The following DIS3L variants were observed in gnomAD, a reference collection of about 807,000 sequenced individuals.
DIS3L encodes DIS3-like exonuclease 1.
In DIS3L, 100 loss-of-function variants were observed where a neutral mutation model predicts 120.3. The observed-to-expected ratio is 0.83, with a 90% CI of 0.71 to 0.98. The LOEUF is 0.98. Ranked by LOEUF, DIS3L falls within the 50% of genes least tolerant of loss-of-function variation. The probability of loss-of-function intolerance (pLI) is 0.00; values close to 1 mark genes in which losing one functional copy is unlikely to be tolerated. For synonymous variants in DIS3L, 426 were observed against 470.6 expected, an observed-to-expected ratio of 0.91 and a Z score of 1.23; for missense variants, 1,196 against 1,314.2, an observed-to-expected ratio of 0.91 and a Z score of 1.39.
At chr15:66,295,654 C>T (rs561017137) in intron 2 of DIS3L, among the ~76,000 whole-genome samples, 1 of 152,270 alleles carries the variant, frequency 6.6e-6, no homozygotes, top group Admixed American at 6.5e-5. Flanking sequence ...CAGCCATAGT[C>T]ATTGTATTTG....
At chr15:66,313,597 G>A (rs1406126963) in intron 5 of DIS3L, among the ~76,000 whole-genome samples, 1 of 151,950 alleles carries the variant, frequency 6.6e-6, no homozygotes, top group Non-Finnish European at 1.5e-5. Flanking sequence ...GAGCGTGGTG[G>A]TGGACACCTG....
chr15:66,308,974 G>GCCACCACGCC, intron 4 of DIS3L, 130 bp downstream of exon 4: 4 of 964,112 alleles, frequency 4.1e-6, no homozygotes, highest in Non-Finnish European at 5.7e-6. Context: ...GCCAGGCGTG[G>GCCACCACGCC]TGGCTCATGC....
At chr15:66,303,817 C>T (rs905608165) in intron 2 of DIS3L, among the ~76,000 whole-genome samples, 2 of 151,984 alleles carry the variant, frequency 1.3e-5, no homozygotes, top group Non-Finnish European at 1.5e-5. Context: ...GTAGGCCGGG[C>T]GCGGTGGCTC....
At chr15:66,326,519 T>C (rs182981175) in intron 12 of DIS3L, 155 bp downstream of exon 12, 1 of 844,154 alleles carries the variant, frequency 1.2e-6, no homozygotes, top group Admixed American at 2.9e-5. Flanking sequence ...TTTTCCCTCT[T>C]CATTGTTATG....
At chr15:66,331,682 C>A in intron 14 of DIS3L, 193 bp from the exon 15 acceptor site, 1 of 513,074 alleles carries the variant, frequency 1.9e-6, no homozygotes, top group Non-Finnish European at 3.0e-6. Flanking sequence ...TAAAATAATT[C>A]ATTTTCTAAG....
chr15:66,314,482 A>G (rs2092797294), intron 6 of DIS3L, among the ~76,000 whole-genome samples: 1 of 152,198 alleles, frequency 6.6e-6, no homozygotes, highest in Non-Finnish European at 1.5e-5. Flanking sequence ...TAAGTAATAA[A>G]AATGAAAAAA....
chr15:66,311,257 G>C (rs780317986), intron 4 of DIS3L, among the ~76,000 whole-genome samples: 4 of 151,888 alleles, frequency 2.6e-5, no homozygotes, highest in Non-Finnish European at 4.4e-5. Context: ...CAGCCACTTG[G>C]GGGGCTGAGG....
chr15:66,314,018 T>G, intron 5 of DIS3L, 21 bp from the exon 6 acceptor site: 1 of 1,534,456 alleles, frequency 6.5e-7, no homozygotes, highest in East Asian at 2.5e-5. Flanking sequence ...TTCATATTGA[T>G]TTTTTAAATT....
intron 9 of DIS3L, among the ~76,000 whole-genome samples, chr15:66,321,567 G>C (rs2092883754): frequency 6.6e-6 from 1 of 151,984 alleles, no homozygotes; most frequent in South Asian, 2.1e-4. Context: ...TTTGAGACCA[G>C]CCTGGCCAAC....
At chr15:66,314,194 A>G (rs2092793910) in intron 6 of DIS3L, 77 bp downstream of exon 6, 1 of 1,210,572 alleles carries the variant, frequency 8.3e-7, no homozygotes, top group Non-Finnish European at 1.1e-6. Flanking sequence ...GCAAAGTTGA[A>G]ATTGTCATGT....
intron 5 of DIS3L, 56 bp from the exon 6 acceptor site, chr15:66,313,983 A>G (rs2092791685): frequency 6.8e-7 from 1 of 1,466,330 alleles, no homozygotes. Flanking sequence ...CCTTTTGGAG[A>G]TAAACCAGGC....
At chr15:66,293,848 C>T (rs2092551618) in intron 1 of DIS3L, 113 bp downstream of exon 1, 4 of 1,006,486 alleles carry the variant, frequency 4.0e-6, no homozygotes, top group Non-Finnish European at 4.7e-6. Flanking sequence ...GAGGCGTAGG[C>T]CCCGCGGCCT....
chr15:66,313,704 T>C (rs562029534), intron 5 of DIS3L, among the ~76,000 whole-genome samples: 1 of 151,886 alleles, frequency 6.6e-6, no homozygotes, highest in South Asian at 2.1e-4. Flanking sequence ...CACTCCTGCC[T>C]GGGTGACAGA....
intron 7 of DIS3L, among the ~76,000 whole-genome samples, chr15:66,316,781 C>G (rs140372232): frequency 3.3e-4 from 51 of 152,302 alleles, no homozygotes; most frequent in African/African-American, 9.4e-4. Flanking sequence ...TGCTACTACA[C>G]TCCAGCCTGG....
intron 4 of DIS3L, among the ~76,000 whole-genome samples, chr15:66,309,218 C>G (rs2092736524): frequency 6.7e-6 from 1 of 149,756 alleles, no homozygotes; most frequent in Non-Finnish European, 1.5e-5. Flanking sequence ...CACCACTGTA[C>G]TAATGCCTGA....
At chr15:66,327,048 G>A (rs1566958818) in intron 12 of DIS3L, among the ~76,000 whole-genome samples, 1 of 151,634 alleles carries the variant, frequency 6.6e-6, no homozygotes, top group South Asian at 2.1e-4. Flanking sequence ...TCTTGACTCA[G>A]CCTCCTGAGT....
At chr15:66,328,052 T>G (rs1347086818) in intron 12 of DIS3L, among the ~76,000 whole-genome samples, 1 of 152,222 alleles carries the variant, frequency 6.6e-6, no homozygotes, top group African/African-American at 2.4e-5. Flanking sequence ...ATGAGCTGTC[T>G]GCATGCCAGG....
intron 14 of DIS3L, chr15:66,330,024 C>G: frequency 1.0e-6 from 1 of 985,270 alleles, no homozygotes; most frequent in Non-Finnish European, 1.2e-6. Context: ...AAATATCGGC[C>G]AGATGCGGTG....
chr15:66,322,736 C>T lies in DIS3L; in HGVS notation c.1376C>T (p.Pro459Leu), dbSNP rs1287621382. The change falls in exon 10 of 17, where the codon CCT becomes CTT. Residue 459 changes from proline (P) to leucine (L), a missense_variant. Coordinates refer to ENST00000319212, the MANE Select transcript of DIS3L (RefSeq NM_001143688.3). ...CCAGAAAGTCCCTGGAAGGTGAGTCCTGAAGAGGAACAAAAACGTAAAGAC... is the reference window on the plus strand; with the variant it reads ...CCAGAAAGTCCCTGGAAGGTGAGTCTTGAAGAGGAACAAAAACGTAAAGAC... Reference protein sequence around the residue: ...NTPESPWKVSPEEEQKRKDLR... With the variant: ...NTPESPWKVSLEEEQKRKDLR... 6.2e-7 allele frequency: 1 copy of T among 1,613,948 alleles called. No individual in the cohort carries two copies. The highest frequency in any genetic ancestry group is 1.3e-5 in the African/African-American group (1 of 74,870).
Sources: allele counts gnomAD v4.1 joint callset (sites outside exome capture counted in the v4.1 genomes callset), GRCh38; gene constraint gnomAD v4.1.1; transcripts MANE v1.5; gene names NCBI Gene and HGNC (gene_info 2026-07-23, HGNC 2026-07-21).